The following SLC45A4 variants were observed in gnomAD, a reference collection of about 807,000 sequenced individuals.
SLC45A4 encodes polyamine-transporter SLC45A4.
SLC45A4 carries 32 observed loss-of-function variants against 63.7 expected under a neutral mutation model. That is an observed-to-expected ratio of 0.50 (90% CI 0.38 to 0.67). The LOEUF (loss-of-function observed/expected upper bound fraction) is 0.67, where lower values mean the gene tolerates loss of function less well. SLC45A4 is among the 30% of genes least tolerant of loss of function. The probability of loss-of-function intolerance (pLI) is 0.00; values close to 1 mark genes in which losing one functional copy is unlikely to be tolerated. For synonymous variants in SLC45A4, 535 were observed against 510.0 expected (o/e 1.05, Z -0.66); for missense variants, 1,027 against 1,157.7 (o/e 0.89, Z 1.64).
chr8:141,273,931 A>G (rs1372865940), intron 1 of SLC45A4, among the ~76,000 whole-genome samples: 1 of 152,280 alleles, frequency 6.6e-6, no homozygotes, highest in East Asian at 1.9e-4. Flanking sequence ...GCTTGTCTTT[A>G]AAAAACGTAA....
intron 1 of SLC45A4, among the ~76,000 whole-genome samples, chr8:141,305,963 TCA>T (rs1475560930): frequency 6.6e-6 from 1 of 152,214 alleles, no homozygotes; most frequent in Non-Finnish European, 1.5e-5. Flanking sequence ...GGGCGGGATC[TCA>T]GAGCTCACGG....
intron 1 of SLC45A4, among the ~76,000 whole-genome samples, chr8:141,296,918 T>G (rs1050826213): frequency 3.3e-5 from 5 of 151,818 alleles, no homozygotes; most frequent in African/African-American, 1.2e-4. Flanking sequence ...GGGGCGATGT[T>G]TGAACCAAGA....
chr8:141,228,949 C>A (rs1047314785), intron 2 of SLC45A4, among the ~76,000 whole-genome samples: 3 of 152,168 alleles, frequency 2.0e-5, no homozygotes, highest in Non-Finnish European at 4.4e-5. Context: ...CGGGCACCAA[C>A]ACCACCCGCC....
intron 2 of SLC45A4, among the ~76,000 whole-genome samples, chr8:141,230,556 C>T (rs1343209509): frequency 2.0e-5 from 3 of 152,318 alleles, no homozygotes; most frequent in African/African-American, 7.2e-5. Context: ...GGGTAAGCAG[C>T]GGGGGAGGTA....
intron 2 of SLC45A4, among the ~76,000 whole-genome samples, chr8:141,231,828 C>T (rs1308452208): frequency 3.3e-5 from 5 of 152,190 alleles, no homozygotes; most frequent in Non-Finnish European, 5.9e-5. Flanking sequence ...TCTGTGTGCG[C>T]GAAGGCCCAG....
intron 2 of SLC45A4, among the ~76,000 whole-genome samples, chr8:141,247,657 C>T (rs890630622): frequency 6.6e-6 from 1 of 152,168 alleles, no homozygotes; most frequent in African/African-American, 2.4e-5. Flanking sequence ...AGCAATCTTC[C>T]CGCCTTGGCT....
At chr8:141,294,679 G>C (rs1377220401) in intron 1 of SLC45A4, among the ~76,000 whole-genome samples, 1 of 152,256 alleles carries the variant, frequency 6.6e-6, no homozygotes, top group African/African-American at 2.4e-5. Flanking sequence ...TGCTAAATGG[G>C]GGCCACCAGC....
chr8:141,217,300 C>T, intron 5 of SLC45A4, 111 bp from the exon 6 acceptor site: 1 of 1,126,070 alleles, frequency 8.9e-7, no homozygotes, highest in South Asian at 1.4e-5. Context: ...AGAGCGGTGA[C>T]AGGAAAGTCC....
chr8:141,221,649 G>A lies in SLC45A4; in HGVS notation c.358C>T (p.Arg120Trp), dbSNP rs780845132. ...ACGCAGAGGGCGAGGATGAAGGGCC[G>A]CCGGCGGCCCCAGCTCAGGGTGCAC... ...DRCTLSWGRR[R>W]PFILALCVGV... is the part of the protein sequence containing the mutation. The change falls in exon 3 of 9, where the codon CGG (arginine) becomes TGG (tryptophan). Residue 120 changes from arginine (R) to tryptophan (W), a missense_variant. Coordinates refer to ENST00000517878, the MANE Select transcript of SLC45A4 (RefSeq NM_001286646.2). 5.0e-6 allele frequency: 8 copies of A among 1,614,076 alleles called. No individual in the cohort carries two copies. Among genetic ancestry groups the A allele is most frequent in the Admixed American group, 1.7e-5 (1 of 60,036 alleles).
intron 1 of SLC45A4, among the ~76,000 whole-genome samples, chr8:141,297,302 C>G (rs896419505): frequency 2.0e-5 from 3 of 151,992 alleles, no homozygotes; most frequent in African/African-American, 7.2e-5. Context: ...CCTGGCAATG[C>G]GGCAAGTGGA....
At position 141,221,617 on chromosome 8, in the gene SLC45A4, G is replaced by A. The variant is rs762244982; in HGVS notation, c.390C>T (p.Val130=). 7 of 1,613,746 alleles carry A rather than the reference G, an allele frequency of 4.3e-6. No homozygotes were observed. ...TAAGGAAAAGTGCAACGCCAAAGAG[G>A]ACGCCAACGCAGAGGGCGAGGATGA... The part of the protein sequence containing the change: ...RPFILALCVG[V]LFGVALFLNG... The change falls in exon 3 of 9, where the codon GTC becomes GTT. Residue 130 remains valine (V), a synonymous_variant. Transcript: ENST00000517878.
At chr8:141,268,679 C>T (rs545333377) in intron 1 of SLC45A4, among the ~76,000 whole-genome samples, 2 of 152,316 alleles carry the variant, frequency 1.3e-5, no homozygotes, top group South Asian at 4.1e-4. Context: ...TCAAAAACTC[C>T]TGATAATCCC....
At chr8:141,296,274 T>C (rs917284239) in intron 1 of SLC45A4, among the ~76,000 whole-genome samples, 2 of 151,542 alleles carry the variant, frequency 1.3e-5, no homozygotes, top group Non-Finnish European at 1.5e-5. Flanking sequence ...GAGGTTGCAG[T>C]GAGTTGAAGT....
In SLC45A4 at chr8:141,218,394, G is replaced by A; in HGVS notation, c.1246C>T (p.Arg416Trp). The change falls in exon 5 of 9, where the codon CGG becomes TGG. Residue 416 changes from arginine (R) to tryptophan (W), a missense_variant. By Grantham distance (101) the Arg-to-Trp change is moderately radical. Transcript: ENST00000517878. ...SATSSSMRRRRHAFRRQASST... is the reference protein window; with the variant it reads ...SATSSSMRRRWHAFRRQASST... ...GAGGCCTGCCTGCGGAACGCGTGCC[G>A]CCGCCGCCGCATGGAGCTCGACGTG... is the stretch of plus-strand genomic sequence containing the variant. The A allele has an allele frequency of 6.2e-7, 1 of 1,608,722 alleles. No homozygotes were observed. The highest frequency in any genetic ancestry group is 8.5e-7 in the Non-Finnish European group (1 of 1,179,668).
At chr8:141,223,011 G>T (rs1272482275) in intron 2 of SLC45A4, among the ~76,000 whole-genome samples, 1 of 152,200 alleles carries the variant, frequency 6.6e-6, no homozygotes, top group Non-Finnish European at 1.5e-5. Context: ...CACGCCAGCG[G>T]CTCATCTGGC....
intron 7 of SLC45A4, among the ~76,000 whole-genome samples, chr8:141,214,360 C>T (rs1244672491): frequency 2.0e-5 from 3 of 152,194 alleles, no homozygotes; most frequent in Non-Finnish European, 2.9e-5. Flanking sequence ...AAGGAGAAAA[C>T]GGAGCTCATT....
intron 1 of SLC45A4, among the ~76,000 whole-genome samples, chr8:141,297,104 A>T (rs573505087): frequency 1.1e-4 from 17 of 152,298 alleles, no homozygotes; most frequent in African/African-American, 3.4e-4. Context: ...ACTGAACCAG[A>T]AACACCAGTG....
chr8:141,212,141 C>CCCCCCCGGGGGGG, intron 8 of SLC45A4, 56 bp downstream of exon 8: 1 of 1,109,168 alleles, frequency 9.0e-7, no homozygotes, highest in Non-Finnish European at 1.1e-6. Flanking sequence ...CCCCGCCGCC[C>CCCCCCCGGGGGGG]GCCCGCCCGC....
intron 1 of SLC45A4, among the ~76,000 whole-genome samples, chr8:141,296,203 T>G (rs982755057): frequency 6.6e-6 from 1 of 152,110 alleles, no homozygotes; most frequent in Non-Finnish European, 1.5e-5. Flanking sequence ...TGGTGGTTCA[T>G]ACCTGCAATC....
Sources: allele counts gnomAD v4.1 joint callset (sites outside exome capture counted in the v4.1 genomes callset), GRCh38; gene constraint gnomAD v4.1.1; transcripts MANE v1.5; gene names NCBI Gene and HGNC (gene_info 2026-07-23, HGNC 2026-07-21).